LRP1B: variants seen among roughly 807,000 people sequenced by gnomAD.
LRP1B encodes the protein low-density lipoprotein receptor-related protein 1B.
In LRP1B, 217 loss-of-function variants were observed where a neutral mutation model predicts 556.6. The ratio of observed to expected loss-of-function variants is 0.39; its 90% CI spans 0.35 to 0.44. The LOEUF (loss-of-function observed/expected upper bound fraction) is 0.44, where lower values mean the gene tolerates loss of function less well. LRP1B is among the 20% of genes least tolerant of loss of function. The pLI is 1.00. For missense variants in LRP1B, 5,053 were observed against 5,620.8 expected (o/e 0.90, Z 3.23); for synonymous variants, 2,047 against 1,865.8 (o/e 1.10, Z -2.50).
intron 3 of LRP1B, among the ~76,000 whole-genome samples, chr2:141,270,606 A>C (rs548686273): frequency 6.6e-6 from 1 of 152,188 alleles, no homozygotes; most frequent in South Asian, 2.1e-4. Flanking sequence ...ATGCAGGCTT[A>C]ACAAAAAAGA....
intron 3 of LRP1B, among the ~76,000 whole-genome samples, chr2:141,296,519 T>C (rs959896130): frequency 2.6e-5 from 4 of 152,202 alleles, no homozygotes; most frequent in African/African-American, 9.6e-5. Context: ...AATTCAGTTA[T>C]TTAAATATCT....
chr2:141,232,211 T>C (rs1343599601), intron 5 of LRP1B, among the ~76,000 whole-genome samples: 1 of 152,194 alleles, frequency 6.6e-6, no homozygotes, highest in African/African-American at 2.4e-5. Context: ...GTCATTTTAC[T>C]GTTGACCTTG....
At chr2:140,746,793 G>A (rs1264312059) in intron 35 of LRP1B, among the ~76,000 whole-genome samples, 1 of 151,648 alleles carries the variant, frequency 6.6e-6, no homozygotes, top group Non-Finnish European at 1.5e-5. Context: ...TTATGCAACA[G>A]AATAAAAGGA....
At chr2:141,459,444 A>G (rs755906696) in intron 3 of LRP1B, among the ~76,000 whole-genome samples, 4 of 152,156 alleles carry the variant, frequency 2.6e-5, no homozygotes, top group Non-Finnish European at 5.9e-5. Context: ...GGGTGCAGGC[A>G]TATGTTCCTG....
At chr2:141,433,963 GA>G (rs139109840) in intron 3 of LRP1B, among the ~76,000 whole-genome samples, 4,932 of 150,656 alleles carry the variant, frequency 0.033, 255 homozygotes, top group African/African-American at 0.11. Flanking sequence ...CAAGTCAGCT[GA>G]TAGTTTTGTT....
At chr2:140,440,772 T>C (rs1173349103) in intron 66 of LRP1B, among the ~76,000 whole-genome samples, 1 of 152,160 alleles carries the variant, frequency 6.6e-6, no homozygotes, top group Non-Finnish European at 1.5e-5. Context: ...CACACACTGG[T>C]CTGGAACTTA....
intron 84 of LRP1B, among the ~76,000 whole-genome samples, chr2:140,293,945 C>T (rs1195698033): frequency 6.6e-6 from 1 of 152,118 alleles, no homozygotes; most frequent in African/African-American, 2.4e-5. Flanking sequence ...AGGTGGGAAG[C>T]GCTCTGACTA....
chr2:141,073,669 CT>C (rs1310761590), intron 7 of LRP1B, among the ~76,000 whole-genome samples: 2 of 151,988 alleles, frequency 1.3e-5, no homozygotes, highest in Non-Finnish European at 2.9e-5. Context: ...TATTAAATTC[CT>C]GCTCTTTCTT....
intron 1 of LRP1B, among the ~76,000 whole-genome samples, chr2:141,892,231 A>G (rs1699313599): frequency 6.6e-6 from 1 of 152,022 alleles, no homozygotes; most frequent in East Asian, 1.9e-4. Context: ...TAGACTCACC[A>G]AGAAAGTATT....
chr2:141,259,318 C>T (rs869205415), intron 3 of LRP1B, among the ~76,000 whole-genome samples: 1 of 151,894 alleles, frequency 6.6e-6, no homozygotes, highest in South Asian at 2.1e-4. Context: ...TCAGTAATTT[C>T]AGGCTATATG....
At chr2:140,695,671 G>T (rs1686405554) in intron 41 of LRP1B, among the ~76,000 whole-genome samples, 2 of 152,126 alleles carry the variant, frequency 1.3e-5, no homozygotes, top group Admixed American at 6.5e-5. Flanking sequence ...TTTAAAGTCA[G>T]AAATGGCCTA....
chr2:141,934,899 A>C (rs768873366), intron 1 of LRP1B, among the ~76,000 whole-genome samples: 6 of 152,194 alleles, frequency 3.9e-5, no homozygotes, highest in Non-Finnish European at 7.3e-5. Flanking sequence ...CATTAGCAGC[A>C]TGAAAACAGA....
intron 23 of LRP1B, 39 bp from the exon 24 acceptor site, chr2:140,886,374 T>A (rs2105193025): frequency 9.4e-7 from 1 of 1,064,802 alleles, no homozygotes; most frequent in Non-Finnish European, 1.4e-6. Flanking sequence ...TATGAAAATG[T>A]AAACTCTGGT....
chr2:141,373,136 G>A (rs757610573), intron 3 of LRP1B, among the ~76,000 whole-genome samples: 2 of 152,092 alleles, frequency 1.3e-5, no homozygotes, highest in Non-Finnish European at 2.9e-5. Flanking sequence ...TAATTTCCAT[G>A]TATTTGTATA....
At chr2:141,140,968 C>T (rs1701636124) in intron 7 of LRP1B, among the ~76,000 whole-genome samples, 1 of 151,976 alleles carries the variant, frequency 6.6e-6, no homozygotes, top group African/African-American at 2.4e-5. Flanking sequence ...TGTGCTGGTC[C>T]TTCGAGGTAG....
chr2:140,561,216 G>A (rs1329215172), intron 43 of LRP1B, among the ~76,000 whole-genome samples: 4 of 152,114 alleles, frequency 2.6e-5, no homozygotes, highest in Admixed American at 6.6e-5. Flanking sequence ...GGAGCTGGCC[G>A]TGAAGAAATT....
intron 57 of LRP1B, among the ~76,000 whole-genome samples, chr2:140,488,137 A>G (rs1274989620): frequency 1.3e-5 from 2 of 151,966 alleles, no homozygotes; most frequent in Non-Finnish European, 2.9e-5. Context: ...AAAAGCATAT[A>G]TCTAAATTGA....
chr2:141,792,739 C>T (rs1695658637), intron 2 of LRP1B, among the ~76,000 whole-genome samples: 1 of 151,958 alleles, frequency 6.6e-6, no homozygotes, highest in African/African-American at 2.4e-5. Flanking sequence ...CCACAGGGAA[C>T]CAACGTGGTC....
intron 37 of LRP1B, among the ~76,000 whole-genome samples, chr2:140,709,576 C>T (rs1686962060): frequency 6.6e-6 from 1 of 151,788 alleles, no homozygotes; most frequent in Admixed American, 6.6e-5. Flanking sequence ...ATACATGATT[C>T]CTATTTTGTA....
Sources: gnomAD v4.1 joint callset for allele counts (sites outside exome capture counted in the v4.1 genomes callset) on GRCh38, gnomAD v4.1.1 for gene constraint, MANE v1.5 for transcripts, NCBI Gene and HGNC (gene_info 2026-07-23, HGNC 2026-07-21) for gene names.